Variants in TRABD2B observed in about 807,000 individuals in gnomAD.
TRABD2B encodes TraB domain containing 2B.
Under a neutral mutation model 40.1 loss-of-function variants are expected in TRABD2B, and 14 were observed. That is an observed-to-expected ratio of 0.35 (90% CI 0.23 to 0.55). The LOEUF is 0.55. Among genes scored for constraint, TRABD2B ranks in the 20% least tolerant of loss-of-function variants. The pLI is 0.90. For missense variants in TRABD2B, 541 were observed against 648.6 expected, an observed-to-expected ratio of 0.83 and a Z score of 1.80; for synonymous variants, 263 against 277.0, an observed-to-expected ratio of 0.95 and a Z score of 0.50.
At chr1:47,783,752 G>C (rs1388378936) in intron 4 of TRABD2B, among the ~76,000 whole-genome samples, 1 of 152,160 alleles carries the variant, frequency 6.6e-6, no homozygotes, top group Non-Finnish European at 1.5e-5. Flanking sequence ...AAGGCTCAGT[G>C]AGCAGAGCAC....
At chr1:47,938,521 T>C (rs1459324561) in intron 2 of TRABD2B, among the ~76,000 whole-genome samples, 1 of 152,180 alleles carries the variant, frequency 6.6e-6, no homozygotes, top group Non-Finnish European at 1.5e-5. Flanking sequence ...TTGGAAGCAC[T>C]AGACACTGGG....
intron 2 of TRABD2B, among the ~76,000 whole-genome samples, chr1:47,823,366 TG>T (rs1645135363): frequency 1.3e-5 from 2 of 152,220 alleles, no homozygotes; most frequent in Admixed American, 1.3e-4. Flanking sequence ...TGACTGGGGC[TG>T]GAGGCTTCTG....
intron 2 of TRABD2B, among the ~76,000 whole-genome samples, chr1:47,894,923 T>C (rs922923887): frequency 6.6e-6 from 1 of 152,014 alleles, no homozygotes; most frequent in Non-Finnish European, 1.5e-5. Context: ...GAATACTGGG[T>C]AGGAAGAGCT....
At chr1:47,895,216 G>A (rs61773473) in intron 2 of TRABD2B, among the ~76,000 whole-genome samples, 5 of 152,092 alleles carry the variant, frequency 3.3e-5, no homozygotes, top group Admixed American at 6.5e-5. Context: ...GAGGATGAGC[G>A]GAGGGGACGT....
At chr1:47,767,093 G>A (rs1425365245) in intron 6 of TRABD2B, among the ~76,000 whole-genome samples, 2 of 152,238 alleles carry the variant, frequency 1.3e-5, no homozygotes, top group East Asian at 1.9e-4. Context: ...CACAGGGACT[G>A]AGGAGGGAGT....
At chr1:47,800,317 C>T (rs1644805334) in intron 3 of TRABD2B, among the ~76,000 whole-genome samples, 2 of 152,092 alleles carry the variant, frequency 1.3e-5, no homozygotes, top group Non-Finnish European at 1.5e-5. Flanking sequence ...GTGGTTGGGG[C>T]CAGCCTCACT....
At position 47,996,753 on chromosome 1, in the gene TRABD2B, G is replaced by A. The variant is rs1646098660; in HGVS notation, c.37C>T (p.Leu13Phe). ...AALAGPLLAA[L>F]LATARARPQP... The stretch of plus-strand genomic sequence containing the variant: ...GGGCGGGCGCGAGCGGTGGCGAGGA[G>A]GGCGGCGAGCAGCGGCCCCGCCAGG... The change falls in exon 1 of 7, where the codon CTC becomes TTC. Residue 13 changes from leucine to phenylalanine, a missense_variant. Leu to Phe is a conservative substitution (Grantham distance 22). This residue lies in a region of TRABD2B where 369 missense variants were observed against 492.8 expected (regional missense o/e 0.75). Transcript: ENST00000606738. The surrounding 1 kb of genome is among the most constrained non-coding windows in gnomAD (Gnocchi z 4.6). 9.0e-6 allele frequency: 11 copies of A among 1,221,980 alleles called. No homozygotes were observed. Among genetic ancestry groups the A allele is most frequent in the South Asian group, 4.1e-5 (1 of 24,286 alleles). The allele number at this position is 1,221,980 out of a possible 1,614,324, so 75.7% of individuals were successfully genotyped here.
intron 2 of TRABD2B, among the ~76,000 whole-genome samples, chr1:47,895,055 G>A (rs1644498175): frequency 6.6e-6 from 1 of 152,160 alleles, no homozygotes; most frequent in African/African-American, 2.4e-5. Flanking sequence ...AGGGTTGGGA[G>A]ATATTCAAAC....
intron 2 of TRABD2B, chr1:47,820,347 A>G (rs1645089045): frequency 6.6e-6 from 1 of 152,222 alleles, no homozygotes; most frequent in African/African-American, 2.4e-5. Flanking sequence ...GTGCCTAGGG[A>G]GAAGGCAAGG....
chr1:47,782,325 G>A (rs182457994), intron 4 of TRABD2B, among the ~76,000 whole-genome samples: 15 of 152,240 alleles, frequency 9.9e-5, no homozygotes, highest in Non-Finnish European at 1.9e-4. Context: ...GCTTGACTCT[G>A]GCCTAGGTCA....
intron 2 of TRABD2B, among the ~76,000 whole-genome samples, chr1:47,877,350 G>C (rs1311227384): frequency 6.6e-6 from 1 of 152,074 alleles, no homozygotes; most frequent in Non-Finnish European, 1.5e-5. Context: ...TGGCCAAGCA[G>C]GGGATGGTGA....
At chr1:47,784,971 C>T (rs933348722) in intron 4 of TRABD2B, among the ~76,000 whole-genome samples, 2 of 152,124 alleles carry the variant, frequency 1.3e-5, no homozygotes, top group Non-Finnish European at 2.9e-5. Context: ...TGCCAGGGGC[C>T]ATGGGGTTGA....
rs566839765 is a variant in TRABD2B, at chr1:47,798,149, C to T, written c.813+3324G>A. Among the ~76,000 whole-genome samples the T allele has an allele frequency of 3.9e-5, 6 of 152,204 alleles. No individual in the cohort carries two copies. The South Asian group carries it at 6.2e-4, about 16-fold the overall frequency. ...CAGACTGATGGGGGAGTCACATATG[C>T]GCACAAGAACACTGATGGATATGCG... is the stretch of plus-strand genomic sequence containing the variant. On this transcript the variant is annotated intron_variant, in intron 3 of 6. Coordinates refer to ENST00000606738, the MANE Select transcript of TRABD2B (RefSeq NM_001194986.2).
intron 2 of TRABD2B, among the ~76,000 whole-genome samples, chr1:47,942,606 G>A (rs916576210): frequency 1.6e-4 from 24 of 152,268 alleles, no homozygotes; most frequent in African/African-American, 5.5e-4. Context: ...CCCAGATCCC[G>A]AGGCTTGGAT....
At chr1:47,775,757 GCAGA>G (rs1257421391) in intron 5 of TRABD2B, among the ~76,000 whole-genome samples, 1 of 152,208 alleles carries the variant, frequency 6.6e-6, no homozygotes, top group African/African-American at 2.4e-5. Flanking sequence ...TTCCAAAGCA[GCAGA>G]CAGAGAGTAA....
intron 2 of TRABD2B, among the ~76,000 whole-genome samples, chr1:47,802,717 C>T (rs1383435711): frequency 6.6e-6 from 1 of 152,068 alleles, no homozygotes; most frequent in African/African-American, 2.4e-5. Flanking sequence ...CAATTCAGGC[C>T]CCAGCATTTC....
chr1:47,934,438 C>A (rs984326712), intron 2 of TRABD2B, among the ~76,000 whole-genome samples: 3 of 152,206 alleles, frequency 2.0e-5, no homozygotes, highest in African/African-American at 7.2e-5. Flanking sequence ...CACTCACAGA[C>A]GTCTGGGGGC....
intron 6 of TRABD2B, among the ~76,000 whole-genome samples, chr1:47,770,167 C>T (rs1644360060): frequency 1.3e-5 from 2 of 152,142 alleles, no homozygotes; most frequent in South Asian, 4.1e-4. Context: ...GCTTTTCAGC[C>T]TGAGGAGACC....
chr1:47,900,734 C>T (rs971225648), intron 2 of TRABD2B, among the ~76,000 whole-genome samples: 5 of 152,116 alleles, frequency 3.3e-5, no homozygotes, highest in African/African-American at 7.2e-5. Flanking sequence ...TGGCCGGGGT[C>T]GGGGCTCTGT....
Sources: allele counts gnomAD v4.1 joint callset (sites outside exome capture counted in the v4.1 genomes callset), GRCh38; gene constraint gnomAD v4.1.1; regional missense constraint gnomAD v4.1.1; non-coding constraint Gnocchi (gnomAD v3.1); transcripts MANE v1.5; gene names NCBI Gene and HGNC (gene_info 2026-07-23, HGNC 2026-07-21).